DAB1: variants seen among roughly 807,000 people sequenced by gnomAD.
The protein encoded by DAB1 is DAB adaptor protein 1.
A neutral mutation model predicts 64.6 loss-of-function variants in DAB1; 15 were observed. That is an observed-to-expected ratio of 0.23 (90% CI 0.16 to 0.36). The LOEUF is 0.36. DAB1 is among the 10% of genes least tolerant of loss of function. DAB1 has a pLI of 1.00. For synonymous variants in DAB1, 235 were observed against 251.9 expected (o/e 0.93, Z 0.64); for missense variants, 596 against 706.7 (o/e 0.84, Z 1.78).
intron 4 of DAB1, among the ~76,000 whole-genome samples, chr1:58,263,065 C>T (rs557109465): frequency 2.2e-4 from 34 of 152,298 alleles, no homozygotes; most frequent in Admixed American, 1.0e-3. Flanking sequence ...GTAACCTATT[C>T]TTACTGATAC....
intron 4 of DAB1, among the ~76,000 whole-genome samples, chr1:58,258,365 C>G (rs559092134): frequency 2.0e-5 from 3 of 152,284 alleles, no homozygotes; most frequent in African/African-American, 4.8e-5. Flanking sequence ...CCTTTTAAAC[C>G]GACAGCCTGA....
rs598290 is a variant in DAB1 at position 58,292,918 on chromosome 1, T to G, written n.309+50434A>C. Reference sequence around the variant, plus strand: ...TGTAAAAATGAGCAAGTTGATGTTTTCCTGCCTTCACCGAGATCACATTCT... The same window carrying G: ...TGTAAAAATGAGCAAGTTGATGTTTGCCTGCCTTCACCGAGATCACATTCT... On this transcript the variant is annotated intron_variant and non_coding_transcript_variant, in intron 4 of 20. Transcript: ENST00000485760. 9.5e-3 allele frequency among the ~76,000 whole-genome samples: 1,444 copies of G among 152,312 alleles called. 31 individuals are homozygous for G. Among genetic ancestry groups the G allele is most frequent in the African/African-American group, 0.033 (1,363 of 41,566 alleles).
rs150417392 is a variant in DAB1 at position 58,251,398 on chromosome 1, A to G, written n.309+91954T>C. ...GTAAATCAGCAAGAAACTATTGGATAGTAATAATCGCTATTGACCAAAATT... is the reference window on the plus strand; with the variant it reads ...GTAAATCAGCAAGAAACTATTGGATGGTAATAATCGCTATTGACCAAAATT... On this transcript the variant is annotated intron_variant and non_coding_transcript_variant, in intron 4 of 20. Transcript: ENST00000485760. Among the ~76,000 whole-genome samples the G allele has an allele frequency of 4.6e-5, 7 of 152,370 alleles. No homozygotes were observed. The East Asian group carries it at 1.3e-3, about 29-fold the overall frequency.
chr1:57,434,934 T>C (rs991868438), intron 7 of DAB1, among the ~76,000 whole-genome samples: 1 of 152,274 alleles, frequency 6.6e-6, no homozygotes, highest in East Asian at 1.9e-4. Context: ...GGCGAGTGAA[T>C]GTGAAGGCCT....
At chr1:57,631,973 A>G (rs1011325836) in intron 7 of DAB1, among the ~76,000 whole-genome samples, 2 of 152,164 alleles carry the variant, frequency 1.3e-5, no homozygotes, top group African/African-American at 4.8e-5. Flanking sequence ...AGAGTTATTG[A>G]TCAGGGAAGT....
At chr1:57,740,548 T>A (rs1217457490) in intron 6 of DAB1, among the ~76,000 whole-genome samples, 1 of 152,208 alleles carries the variant, frequency 6.6e-6, no homozygotes, top group Admixed American at 6.5e-5. Context: ...AAGTATTACA[T>A]AATGGTTAGG....
chr1:57,565,112 C>T (rs959197086), intron 7 of DAB1, among the ~76,000 whole-genome samples: 1 of 152,128 alleles, frequency 6.6e-6, no homozygotes, highest in African/African-American at 2.4e-5. Flanking sequence ...GAGTGGGGAC[C>T]AATATTCAAC....
chr1:58,195,968 C>G lies in DAB1; in HGVS notation n.310-45380G>C, dbSNP rs1165856104. Among the ~76,000 whole-genome samples the G allele has an allele frequency of 2.0e-5, 3 of 152,322 alleles. No individual in the cohort carries two copies. In the South Asian group the frequency reaches 6.2e-4, roughly 32 times the overall value. Reference sequence around the variant, plus strand: ...GATTTTAATCAAACTCAGAAACTATCTGACTCCTTTACCCTTAAGAATTAT... The same window carrying G: ...GATTTTAATCAAACTCAGAAACTATGTGACTCCTTTACCCTTAAGAATTAT... On this transcript the variant is annotated intron_variant and non_coding_transcript_variant, in intron 4 of 20. Coordinates refer to the DAB1 transcript ENST00000485760.
intron 4 of DAB1, among the ~76,000 whole-genome samples, chr1:58,204,356 A>G (rs1295844591): frequency 1.3e-5 from 2 of 152,222 alleles, no homozygotes; most frequent in Non-Finnish European, 2.9e-5. Context: ...TTCCTTTCGC[A>G]AATATGCATC....
chr1:57,495,237 T>C (rs747132997), intron 7 of DAB1, among the ~76,000 whole-genome samples: 1 of 152,132 alleles, frequency 6.6e-6, no homozygotes, highest in Non-Finnish European at 1.5e-5. Flanking sequence ...AGGTATAATA[T>C]AAGGTGTACT....
intron 2 of DAB1, among the ~76,000 whole-genome samples, chr1:57,278,043 C>A (rs2100616670): frequency 6.6e-6 from 1 of 152,330 alleles, no homozygotes; most frequent in South Asian, 2.1e-4. Flanking sequence ...TAAATTGCAT[C>A]TGTAGCTACC....
At chr1:58,108,551 G>C (rs1935850) in intron 5 of DAB1, among the ~76,000 whole-genome samples, 1,973 of 152,242 alleles carry the variant, frequency 0.013, 67 homozygotes, top group South Asian at 0.1. Flanking sequence ...CACAAATGCA[G>C]ATTCCTAAGA....
At chr1:57,807,000 G>A (rs1651392604) in intron 6 of DAB1, among the ~76,000 whole-genome samples, 2 of 152,180 alleles carry the variant, frequency 1.3e-5, no homozygotes, top group African/African-American at 4.8e-5. Context: ...AATGTTTGTT[G>A]AATGAGTAAA....
chr1:57,899,380 A>G (rs965188093), intron 5 of DAB1, among the ~76,000 whole-genome samples: 2 of 152,184 alleles, frequency 1.3e-5, no homozygotes, highest in African/African-American at 2.4e-5. Context: ...TTAGATGTGG[A>G]AGCCCTCAGA....
chr1:58,189,204 T>C (rs1359455505), intron 4 of DAB1, among the ~76,000 whole-genome samples: 2 of 152,230 alleles, frequency 1.3e-5, no homozygotes, highest in Non-Finnish European at 2.9e-5. Flanking sequence ...CACAAGCTTC[T>C]TCAACTCTGT....
At chr1:58,141,948 T>G (rs1319232675) in intron 5 of DAB1, among the ~76,000 whole-genome samples, 1 of 152,144 alleles carries the variant, frequency 6.6e-6, no homozygotes, top group Admixed American at 6.5e-5. Flanking sequence ...CAACTCCAGT[T>G]AGACACAACT....
At chr1:57,318,708 CT>C (rs1675427312) in intron 1 of DAB1, among the ~76,000 whole-genome samples, 1 of 125,282 alleles carries the variant, frequency 8.0e-6, no homozygotes, top group Admixed American at 9.0e-5. Flanking sequence ...AAACTTTCAA[CT>C]TTTTGTTTAC....
At chr1:58,358,462 C>T (rs1254911365) in intron 3 of DAB1, among the ~76,000 whole-genome samples, 1 of 152,174 alleles carries the variant, frequency 6.6e-6, no homozygotes, top group Non-Finnish European at 1.5e-5. Context: ...GAAAACAACT[C>T]AGACTGAACA....
rs149449339 is a variant in DAB1 at position 58,488,742 on chromosome 1, G to A, written n.257+17318C>T. 6.7e-3 allele frequency among the ~76,000 whole-genome samples: 1,024 copies of A among 152,260 alleles called. 10 individuals are homozygous for A. Among genetic ancestry groups the A allele is most frequent in the Middle Eastern group, 0.037 (11 of 294 alleles). ...TGGGATTACAGGCGTGAGCCACCAC[G>A]CCCAGCCCCAGTGTGTAGTCTTTTA... On this transcript the variant is annotated intron_variant and non_coding_transcript_variant, in intron 3 of 20. Coordinates refer to the DAB1 transcript ENST00000485760.
Sources: gnomAD v4.1 joint callset for allele counts (sites outside exome capture counted in the v4.1 genomes callset) on GRCh38, gnomAD v4.1.1 for gene constraint, MANE v1.5 for transcripts, NCBI Gene and HGNC (gene_info 2026-07-23, HGNC 2026-07-21) for gene names.